MAGI3: variants seen among roughly 807,000 people sequenced by gnomAD.
MAGI3 encodes the protein membrane-associated guanylate kinase, WW and PDZ domain-containing protein 3.
In MAGI3, 43 loss-of-function variants were observed where a neutral mutation model predicts 121.8. The observed-to-expected ratio is 0.35, with a 90% confidence interval of 0.28 to 0.46. The LOEUF is 0.46. MAGI3 is among the 20% of genes least tolerant of loss of function. MAGI3 has a pLI of 1.00. For missense variants in MAGI3, 1,547 were observed against 1,797.3 expected (o/e 0.86, Z 2.52); for synonymous variants, 553 against 639.3 (o/e 0.86, Z 2.04).
chr1:113,637,280 C>A (rs1345415330), intron 9 of MAGI3, among the ~76,000 whole-genome samples: 8 of 152,066 alleles, frequency 5.3e-5, no homozygotes, highest in Non-Finnish European at 7.4e-5. Context: ...TTATGATGTT[C>A]GCTGGTTATT....
intron 2 of MAGI3, among the ~76,000 whole-genome samples, chr1:113,557,340 G>A (rs1488305828): frequency 6.6e-6 from 1 of 151,614 alleles, no homozygotes; most frequent in Non-Finnish European, 1.5e-5. Context: ...GCTGCCACCT[G>A]GGTTGGATGG....
intron 1 of MAGI3, among the ~76,000 whole-genome samples, chr1:113,518,136 C>A (rs1204417136): frequency 6.6e-6 from 1 of 151,952 alleles, no homozygotes; most frequent in African/African-American, 2.4e-5. Flanking sequence ...GACCTGTCTC[C>A]CCTTCTACTC....
intron 6 of MAGI3, among the ~76,000 whole-genome samples, chr1:113,597,070 C>T (rs1159177986): frequency 6.6e-6 from 1 of 152,092 alleles, no homozygotes; most frequent in Admixed American, 6.5e-5. Flanking sequence ...GGAAACCACC[C>T]AACTGTCCAT....
At chr1:113,528,638 A>G (rs960806388) in intron 1 of MAGI3, among the ~76,000 whole-genome samples, 4 of 152,170 alleles carry the variant, frequency 2.6e-5, no homozygotes, top group African/African-American at 7.2e-5. Context: ...GCATTTATTG[A>G]TGACTGAATC....
chr1:113,410,208 A>G (rs1159071313), intron 1 of MAGI3, among the ~76,000 whole-genome samples: 5 of 152,114 alleles, frequency 3.3e-5, no homozygotes. Context: ...ATACTGAAAT[A>G]TAAGTCAGCT....
chr1:113,511,658 A>G (rs1657620702), intron 1 of MAGI3, among the ~76,000 whole-genome samples: 1 of 152,248 alleles, frequency 6.6e-6, no homozygotes, highest in Non-Finnish European at 1.5e-5. Context: ...GTTAATTTCC[A>G]TGTATTAACT....
chr1:113,580,431 G>A lies in MAGI3; in HGVS notation c.434-111G>A, dbSNP rs1469718385. The A allele has an allele frequency of 2.5e-5, 22 of 878,594 alleles. 1 individual carries two copies. The African/African-American group carries it at 3.7e-4, about 15-fold the overall frequency. 54.4% of individuals were successfully genotyped at this position (878,594 alleles called of 1,614,324 possible). On this transcript the variant is annotated intron_variant, in intron 2 of 20. Coordinates refer to ENST00000307546, the MANE Select transcript of MAGI3 (RefSeq NM_001142782.2). ...TTTACCTTAATAAAGTTGGGGCAGG[G>A]GAATGAAACATCTCTTATGTGTTCT...
intron 19 of MAGI3, among the ~76,000 whole-genome samples, chr1:113,676,698 AAG>A (rs1647886813): frequency 6.6e-6 from 1 of 152,086 alleles, no homozygotes; most frequent in African/African-American, 2.4e-5. Flanking sequence ...TCCAAATGAT[AAG>A]AGTTTATCTC....
chr1:113,535,519 T>C (rs1349058231), intron 1 of MAGI3, among the ~76,000 whole-genome samples: 1 of 152,138 alleles, frequency 6.6e-6, no homozygotes, highest in African/African-American at 2.4e-5. Flanking sequence ...TGAAGACACG[T>C]TTCATTATTA....
At chr1:113,561,594 G>C (rs1470783043) in intron 2 of MAGI3, among the ~76,000 whole-genome samples, 1 of 152,076 alleles carries the variant, frequency 6.6e-6, no homozygotes, top group African/African-American at 2.4e-5. Flanking sequence ...CAATAAACTA[G>C]ATATTGAAGA....
At chr1:113,531,519 T>C (rs1658719957) in intron 1 of MAGI3, among the ~76,000 whole-genome samples, 1 of 152,116 alleles carries the variant, frequency 6.6e-6, no homozygotes, top group African/African-American at 2.4e-5. Flanking sequence ...CAACAGAGTG[T>C]TGTTGAATGT....
chr1:113,591,728 G>A (rs192358079), intron 5 of MAGI3, among the ~76,000 whole-genome samples: 13 of 152,136 alleles, frequency 8.5e-5, no homozygotes, highest in Admixed American at 8.5e-4. Context: ...ATTTGTTAAG[G>A]GAAATTTAGA....
chr1:113,561,625 G>C (rs1660238211), intron 2 of MAGI3, among the ~76,000 whole-genome samples: 1 of 152,006 alleles, frequency 6.6e-6, no homozygotes, highest in South Asian at 2.1e-4. Context: ...AAAATAATAA[G>C]AGCCATTTAT....
chr1:113,457,395 AT>A (rs1018396275), intron 1 of MAGI3, among the ~76,000 whole-genome samples: 1 of 152,156 alleles, frequency 6.6e-6, no homozygotes, highest in African/African-American at 2.4e-5. Context: ...CTGAAAGTCA[AT>A]TTGTGTTTGA....
intron 1 of MAGI3, among the ~76,000 whole-genome samples, chr1:113,482,097 A>G (rs918631075): frequency 6.6e-6 from 1 of 152,006 alleles, no homozygotes; most frequent in African/African-American, 2.4e-5. Flanking sequence ...TAAATATTTA[A>G]GATTATAACT....
chr1:113,456,502 G>C (rs1301480502), intron 1 of MAGI3, among the ~76,000 whole-genome samples: 1 of 152,118 alleles, frequency 6.6e-6, no homozygotes, highest in African/African-American at 2.4e-5. Flanking sequence ...ACCTAGTTCA[G>C]TCATGAATAT....
chr1:113,526,092 G>T (rs1401041983), intron 1 of MAGI3, among the ~76,000 whole-genome samples: 1 of 152,018 alleles, frequency 6.6e-6, no homozygotes, highest in Admixed American at 6.6e-5. Flanking sequence ...CAAAAAAGTT[G>T]TTTTATTTGA....
chr1:113,670,289 T>A (rs970523272), intron 16 of MAGI3, among the ~76,000 whole-genome samples: 1 of 152,198 alleles, frequency 6.6e-6, no homozygotes, highest in Non-Finnish European at 1.5e-5. Context: ...CTCTCTAGCT[T>A]CTAGATACAA....
intron 2 of MAGI3, among the ~76,000 whole-genome samples, chr1:113,557,732 A>G (rs1235183713): frequency 3.3e-5 from 5 of 152,168 alleles, no homozygotes; most frequent in Non-Finnish European, 2.9e-5. Flanking sequence ...AAAAGCAGCC[A>G]CACTGATGCC....
Sources: allele counts gnomAD v4.1 joint callset (sites outside exome capture counted in the v4.1 genomes callset), GRCh38; gene constraint gnomAD v4.1.1; transcripts MANE v1.5; gene names NCBI Gene and HGNC (gene_info 2026-07-23, HGNC 2026-07-21).